Variants in AGK observed in about 807,000 individuals in gnomAD.
AGK encodes the protein acylglycerol kinase, mitochondrial.
A neutral mutation model predicts 66.4 loss-of-function variants in AGK; 52 were observed. The ratio of observed to expected loss-of-function variants is 0.78; its 90% CI spans 0.63 to 0.99. The LOEUF is 0.99. Among genes scored for constraint, AGK ranks in the 50% least tolerant of loss-of-function variants. The pLI, the probability that AGK is intolerant of heterozygous loss-of-function variation, is 0.00. For synonymous variants in AGK, 182 were observed against 181.1 expected (o/e 1.00, Z -0.04); for missense variants, 451 against 506.6 (o/e 0.89, Z 1.05).
intron 2 of AGK, among the ~76,000 whole-genome samples, chr7:141,562,491 G>A (rs1182215187): frequency 2.0e-5 from 3 of 152,184 alleles, no homozygotes; most frequent in Non-Finnish European, 2.9e-5. Flanking sequence ...GGTTAGGTGG[G>A]TCTGAGCTAA....
At chr7:141,621,230 A>G (rs1220837900) in intron 8 of AGK, among the ~76,000 whole-genome samples, 1 of 152,214 alleles carries the variant, frequency 6.6e-6, no homozygotes, top group African/African-American at 2.4e-5. Flanking sequence ...CAAAAGAATC[A>G]GCAATTAAAA....
chr7:141,641,980 C>A, intron 13 of AGK, 72 bp downstream of exon 13: 1 of 1,250,526 alleles, frequency 8.0e-7, no homozygotes, highest in Non-Finnish European at 1.1e-6. Flanking sequence ...TCCTCTCCCA[C>A]TAATTCAGTT....
intron 14 of AGK, chr7:141,650,545 C>G: frequency 3.0e-6 from 3 of 985,424 alleles, no homozygotes; most frequent in Non-Finnish European, 3.6e-6. Flanking sequence ...TTAGAAAACT[C>G]TGATACCGTT....
intron 9 of AGK, among the ~76,000 whole-genome samples, chr7:141,628,984 A>T (rs1562978585): frequency 6.6e-6 from 1 of 152,194 alleles, no homozygotes; most frequent in Non-Finnish European, 1.5e-5. Context: ...CCAGAACCAA[A>T]TAAGGCATAG....
rs1305312752 is a variant in AGK, at chr7:141,653,880, A to T, written c.*956A>T. ...GTCGTGTAAATATTGGTATTTTAAA[A>T]TAAAAACTGTTACATCACTATTTTA... On this transcript the variant is annotated 3_prime_UTR_variant, in exon 16 of 16. Coordinates refer to ENST00000649286, the MANE Select transcript of AGK (RefSeq NM_018238.4). 6.6e-6 allele frequency: 1 copy of T among 152,246 alleles called. No individual in the cohort carries two copies. Among genetic ancestry groups the T allele is most frequent in the African/African-American group, 2.4e-5 (1 of 41,464 alleles). The allele number at this position is 152,246 out of a possible 1,614,324, so 9.4% of individuals were successfully genotyped here.
intron 2 of AGK, among the ~76,000 whole-genome samples, chr7:141,590,620 C>T (rs1282270092): frequency 1.3e-5 from 2 of 151,814 alleles, no homozygotes; most frequent in Admixed American, 1.3e-4. Context: ...CAGTGTTTTA[C>T]CTCTTTATTG....
chr7:141,603,416 A>G (rs1796383416), intron 5 of AGK, among the ~76,000 whole-genome samples: 1 of 152,158 alleles, frequency 6.6e-6, no homozygotes, highest in Non-Finnish European at 1.5e-5. Flanking sequence ...CTTTTGTGAT[A>G]GTCTATCTTA....
At chr7:141,608,342 A>C (rs746917158) in intron 5 of AGK, among the ~76,000 whole-genome samples, 4 of 152,314 alleles carry the variant, frequency 2.6e-5, no homozygotes, top group Non-Finnish European at 4.4e-5. Flanking sequence ...CAGACACCCA[A>C]AGGAAATGAG....
intron 6 of AGK, among the ~76,000 whole-genome samples, chr7:141,613,841 T>C (rs1796649354): frequency 6.6e-6 from 1 of 152,230 alleles, no homozygotes; most frequent in Middle Eastern, 3.2e-3. Context: ...ATAATTGATG[T>C]GTACATCATA....
Position 141,636,981 on chromosome 7 carries a change from A to G in AGK, c.690A>G (p.Leu230=), listed in dbSNP as rs1454195616. Residue 230 remains leucine (L), a synonymous_variant, in exon 11 of 16, where the codon CTA becomes CTG. Transcript: ENST00000649286. ...KVSKYWYLGP[L]KIKAAHFFST... is the part of the protein sequence containing the mutation. ...ACAGGTACTGGTATCTTGGGCCTCT[A>G]AAAATCAAAGCAGCCCACTTTTTCA... 3 of 1,612,598 alleles carry G rather than the reference A, an allele frequency of 1.9e-6. No individual in the cohort carries two copies. In the East Asian group the frequency reaches 6.7e-5, roughly 36 times the overall value.
rs147828811 is a variant in AGK, at chr7:141,580,220, G to A, written c.102-12926G>A. Among the ~76,000 whole-genome samples, 1,188 of 152,010 alleles carry A rather than the reference G, an allele frequency of 7.8e-3. 15 individuals are homozygous for A. The highest frequency in any genetic ancestry group is 0.013 in the Non-Finnish European group (860 of 67,992). ...TGCGTAGTCCTTTTGCAAGAGTGAG[G>A]GCCCGAGTTAAGGCAATGAGTTCGG... On this transcript the variant is annotated intron_variant, in intron 2 of 15. Coordinates refer to ENST00000649286, the MANE Select transcript of AGK (RefSeq NM_018238.4).
At chr7:141,602,702 TCTA>T (rs936694240) in intron 5 of AGK, among the ~76,000 whole-genome samples, 1 of 152,062 alleles carries the variant, frequency 6.6e-6, no homozygotes, top group Non-Finnish European at 1.5e-5. Context: ...TTTCATTCAT[TCTA>T]CTTTTTAAAA....
intron 2 of AGK, among the ~76,000 whole-genome samples, chr7:141,581,100 G>A (rs1795872281): frequency 6.6e-6 from 1 of 151,950 alleles, no homozygotes; most frequent in Middle Eastern, 3.2e-3. Context: ...TCGGCAGGGA[G>A]AGCACGTGTG....
At chr7:141,644,741 C>T (rs1797369582) in intron 13 of AGK, among the ~76,000 whole-genome samples, 1 of 151,836 alleles carries the variant, frequency 6.6e-6, no homozygotes, top group Non-Finnish European at 1.5e-5. Flanking sequence ...AAAGGAAATA[C>T]CCCCACTTAT....
At position 141,652,770 on chromosome 7, in the gene AGK, T is replaced by C. The variant is rs1356316829; in HGVS notation, c.1132-17T>C. 1.2e-6 allele frequency: 2 copies of C among 1,612,290 alleles called. No individual in the cohort carries two copies. The highest frequency in any genetic ancestry group is 1.7e-6 in the Non-Finnish European group (2 of 1,179,850). ...ACTGATGTGTTTGAGCTGTTCTGAA[T>C]ATTCTCTTCTCCCCAGGGAGCAGGG... On this transcript the variant is annotated splice_polypyrimidine_tract_variant and intron_variant, in intron 15 of 15. Transcript: ENST00000649286.
chr7:141,620,882 G>T (rs1312731861), intron 8 of AGK, among the ~76,000 whole-genome samples: 7 of 152,194 alleles, frequency 4.6e-5, no homozygotes, highest in African/African-American at 1.7e-4. Flanking sequence ...GTTAACCAGA[G>T]CCCAACCTGC....
chr7:141,553,577 G>A (rs1047106332), intron 1 of AGK, among the ~76,000 whole-genome samples: 6 of 152,174 alleles, frequency 3.9e-5, no homozygotes, highest in Middle Eastern at 3.2e-3. Flanking sequence ...TTGAGAGAAC[G>A]CATGAGACCC....
chr7:141,630,520 A>T (rs1030076484), intron 9 of AGK, among the ~76,000 whole-genome samples: 1 of 152,174 alleles, frequency 6.6e-6, no homozygotes, highest in Admixed American at 6.5e-5. Flanking sequence ...AACATATACA[A>T]GTGTGATTTA....
At chr7:141,615,693 A>G (rs1796688427) in intron 8 of AGK, 128 bp downstream of exon 8, 2 of 754,836 alleles carry the variant, frequency 2.6e-6, no homozygotes, top group East Asian at 5.1e-5. Flanking sequence ...AGGAGGACCT[A>G]GATCAGAGTT....
Sources: gnomAD v4.1 joint callset for allele counts (sites outside exome capture counted in the v4.1 genomes callset) on GRCh38, gnomAD v4.1.1 for gene constraint, MANE v1.5 for transcripts, NCBI Gene and HGNC (gene_info 2026-07-23, HGNC 2026-07-21) for gene names.